The following FAR2 variants were observed in gnomAD, a reference collection of about 807,000 sequenced individuals.
FAR2 encodes fatty acyl-CoA reductase 2.
Under a neutral mutation model 56.0 loss-of-function variants are expected in FAR2, and 19 were observed. The ratio of observed to expected loss-of-function variants is 0.34; its 90% CI spans 0.24 to 0.50. The LOEUF (loss-of-function observed/expected upper bound fraction) is 0.50, where lower values mean the gene tolerates loss of function less well. FAR2 is among the 20% of genes least tolerant of loss of function. The pLI is 0.98. For missense variants in FAR2, 508 were observed against 642.2 expected, an observed-to-expected ratio of 0.79 and a Z score of 2.26; for synonymous variants, 219 against 218.8, an observed-to-expected ratio of 1.00 and a Z score of -0.01.
chr12:29,281,391 TA>T (rs1843750851), intron 2 of FAR2: 2 of 152,154 alleles, frequency 1.3e-5, no homozygotes, highest in Admixed American at 1.3e-4. Context: ...CCTCTAAATC[TA>T]ATCTCTGGGA....
intron 1 of FAR2, among the ~76,000 whole-genome samples, chr12:29,158,889 C>T (rs536695501): frequency 6.6e-6 from 1 of 152,332 alleles, no homozygotes; most frequent in South Asian, 2.1e-4. Flanking sequence ...TTAGTGGGTG[C>T]ATCAAGGCTA....
At chr12:29,286,228 A>C (rs1027034562) in intron 2 of FAR2, among the ~76,000 whole-genome samples, 1 of 152,196 alleles carries the variant, frequency 6.6e-6, no homozygotes, top group African/African-American at 2.4e-5. Flanking sequence ...CTTTCATTAC[A>C]CGAATCCTCA....
chr12:29,246,313 A>G (rs981542506), intron 1 of FAR2, among the ~76,000 whole-genome samples: 2 of 152,202 alleles, frequency 1.3e-5, no homozygotes, highest in Admixed American at 1.3e-4. Context: ...AAAAAAAAAG[A>G]TCAAGTTTTA....
At chr12:29,311,254 G>C in intron 7 of FAR2, 108 bp downstream of exon 7, 3 of 723,552 alleles carry the variant, frequency 4.1e-6, no homozygotes, top group Non-Finnish European at 7.3e-6. Context: ...CCAAATGTGT[G>C]AAAGTGCGTA....
At chr12:29,291,910 A>C (rs1948975231) in intron 2 of FAR2, among the ~76,000 whole-genome samples, 1 of 152,236 alleles carries the variant, frequency 6.6e-6, no homozygotes, top group Admixed American at 6.5e-5. Context: ...CAATTCATTG[A>C]TTTATTTCAG....
intron 9 of FAR2, chr12:29,317,849 A>C (rs1949479618): frequency 6.5e-6 from 1 of 152,684 alleles, no homozygotes; most frequent in Non-Finnish European, 1.5e-5. Context: ...AATCTGAATT[A>C]GTCTCAAAGG....
At chr12:29,294,582 T>G (rs1313006210) in intron 3 of FAR2, among the ~76,000 whole-genome samples, 1 of 152,194 alleles carries the variant, frequency 6.6e-6, no homozygotes, top group African/African-American at 2.4e-5. Context: ...ACTCCTGACC[T>G]CAGGTGATCC....
intron 10 of FAR2, among the ~76,000 whole-genome samples, chr12:29,327,075 G>A (rs2136823336): frequency 6.6e-6 from 1 of 152,270 alleles, no homozygotes; most frequent in East Asian, 1.9e-4. Context: ...AAAACTCAAT[G>A]TGCAAAAATC....
At chr12:29,175,411 C>A (rs569667137) in intron 1 of FAR2, among the ~76,000 whole-genome samples, 2 of 152,198 alleles carry the variant, frequency 1.3e-5, no homozygotes, top group African/African-American at 4.8e-5. Context: ...AAGCTGCAGA[C>A]CTTCACGGCA....
At chr12:29,333,560 C>A in intron 11 of FAR2, 72 bp from the exon 12 acceptor site, 2 of 1,380,854 alleles carry the variant, frequency 1.4e-6, no homozygotes, top group Non-Finnish European at 1.0e-6. Context: ...CAGGAAAACA[C>A]ATATTTATCT....
chr12:29,228,489 T>C (rs1947803944), intron 1 of FAR2, among the ~76,000 whole-genome samples: 1 of 152,246 alleles, frequency 6.6e-6, no homozygotes, highest in Admixed American at 6.5e-5. Flanking sequence ...TAATGATTCA[T>C]TCAAATTTGC....
chr12:29,249,341 G>A (rs1397651288), intron 1 of FAR2, among the ~76,000 whole-genome samples: 2 of 152,198 alleles, frequency 1.3e-5, no homozygotes, highest in Non-Finnish European at 2.9e-5. Flanking sequence ...TCATGCAATA[G>A]TAGTACAATA....
At chr12:29,277,932 C>CTTTTTTTT (rs59443228) in intron 2 of FAR2, 5 of 115,474 alleles carry the variant, frequency 4.3e-5, no homozygotes, top group Admixed American at 1.0e-4. Flanking sequence ...TATTTTCTTT[C>CTTTTTTTT]TTTTTTTTTT....
chr12:29,196,885 T>C (rs1950148644), intron 1 of FAR2, among the ~76,000 whole-genome samples: 1 of 152,174 alleles, frequency 6.6e-6, no homozygotes, highest in African/African-American at 2.4e-5. Context: ...ATCTAGAATC[T>C]ACAAGGGACA....
intron 8 of FAR2, among the ~76,000 whole-genome samples, chr12:29,312,316 T>C (rs1021565276): frequency 2.0e-5 from 3 of 152,176 alleles, no homozygotes; most frequent in Non-Finnish European, 4.4e-5. Context: ...CTTCTTGATA[T>C]GTCACTGAGA....
intron 2 of FAR2, among the ~76,000 whole-genome samples, chr12:29,273,709 A>G (rs995147513): frequency 6.6e-6 from 1 of 152,224 alleles, no homozygotes; most frequent in Non-Finnish European, 1.5e-5. Flanking sequence ...AGTAGGCTTA[A>G]GCAGATTTTA....
intron 1 of FAR2, among the ~76,000 whole-genome samples, chr12:29,161,216 A>G (rs1949779080): frequency 6.6e-6 from 1 of 152,194 alleles, no homozygotes. Flanking sequence ...CTATCTTCCA[A>G]GTTAAAAAAG....
rs530943964 is a variant in FAR2, at chr12:29,216,970, G to A, written c.-38-53442G>A. Among the ~76,000 whole-genome samples, 27 of 152,270 alleles carry A rather than the reference G, an allele frequency of 1.8e-4. No individual in the cohort carries two copies. The South Asian group carries it at 5.0e-3, about 28-fold the overall frequency. ...CAATAATGCAACACCAGAGCTATCC[G>A]TCATAAGGTAAGGCTCTCTAATCGC... On this transcript the variant is annotated intron_variant, in intron 1 of 11. Transcript: ENST00000536681.
At chr12:29,194,621 T>TA (rs1172748171) in intron 1 of FAR2, among the ~76,000 whole-genome samples, 2 of 151,632 alleles carry the variant, frequency 1.3e-5, no homozygotes, top group Admixed American at 1.3e-4. Context: ...GAAAGCAGGA[T>TA]AGGCATCTCA....
Sources: gnomAD v4.1 joint callset for allele counts (sites outside exome capture counted in the v4.1 genomes callset) on GRCh38, gnomAD v4.1.1 for gene constraint, MANE v1.5 for transcripts, NCBI Gene and HGNC (gene_info 2026-07-23, HGNC 2026-07-21) for gene names.